The following MYO18B variants were observed in gnomAD, a reference collection of about 807,000 sequenced individuals.
MYO18B encodes the protein unconventional myosin-XVIIIb.
In MYO18B, 204 loss-of-function variants were observed where a neutral mutation model predicts 273.0. The observed-to-expected ratio is 0.75, with a 90% confidence interval of 0.67 to 0.84. MYO18B has a LOEUF of 0.84. MYO18B is among the 40% of genes least tolerant of loss of function. The probability of loss-of-function intolerance (pLI) is 0.00; values close to 1 mark genes in which losing one functional copy is unlikely to be tolerated. For synonymous variants in MYO18B, 1,330 were observed against 1,305.7 expected (o/e 1.02, Z -0.40); for missense variants, 3,212 against 3,287.6 (o/e 0.98, Z 0.56).
intron 28 of MYO18B, 26 bp from the exon 29 acceptor site, chr22:25,898,281 G>A (rs753325785): frequency 1.2e-6 from 2 of 1,605,702 alleles, no homozygotes; most frequent in Admixed American, 1.7e-5. Flanking sequence ...CACAGAGCCG[G>A]GTAATTCATT....
chr22:25,759,492 G>A (rs1044066770), intron 1 of MYO18B, among the ~76,000 whole-genome samples: 1 of 152,102 alleles, frequency 6.6e-6, no homozygotes, highest in African/African-American at 2.4e-5. Context: ...ACACAGGGAG[G>A]GGAACATCAC....
intron 34 of MYO18B, among the ~76,000 whole-genome samples, chr22:25,941,090 G>A (rs2092638588): frequency 6.6e-6 from 1 of 152,182 alleles, no homozygotes; most frequent in South Asian, 2.1e-4. Flanking sequence ...TCATGCCATT[G>A]TTCTATTGAT....
intron 12 of MYO18B, among the ~76,000 whole-genome samples, chr22:25,807,500 T>C (rs567216734): frequency 6.6e-6 from 1 of 152,306 alleles, no homozygotes; most frequent in African/African-American, 2.4e-5. Context: ...TTGGGGTCTC[T>C]CATGTGGCTG....
At chr22:25,826,701 C>T (rs935742508) in intron 14 of MYO18B, among the ~76,000 whole-genome samples, 5 of 152,198 alleles carry the variant, frequency 3.3e-5, no homozygotes, top group Non-Finnish European at 7.3e-5. Flanking sequence ...TCTCCCTTTC[C>T]TCGTCTGTAC....
intron 37 of MYO18B, among the ~76,000 whole-genome samples, chr22:25,950,957 G>A (rs890901181): frequency 1.3e-5 from 2 of 152,160 alleles, no homozygotes; most frequent in African/African-American, 4.8e-5. Context: ...GAGCCAGTCC[G>A]AGTCCCAAAA....
At chr22:26,052,025 GAATA>G in the MYO18B span, among the ~76,000 whole-genome samples, 1 of 152,176 alleles carries the variant, frequency 6.6e-6, no homozygotes, top group South Asian at 2.1e-4. Context: ...ATGTTGTAAT[GAATA>G]TCCTTGCATA....
intron 25 of MYO18B, among the ~76,000 whole-genome samples, chr22:25,889,458 C>A (rs1339392966): frequency 6.6e-6 from 1 of 152,076 alleles, no homozygotes; most frequent in Non-Finnish European, 1.5e-5. Flanking sequence ...CAATTCAATG[C>A]ATTTTACAGC....
At chr22:25,997,309 A>AAAAAAAAAAAAAC (rs1933373790) in intron 40 of MYO18B, among the ~76,000 whole-genome samples, 1 of 145,820 alleles carries the variant, frequency 6.9e-6, no homozygotes, top group African/African-American at 2.6e-5. Flanking sequence ...TGTCGCCAAA[A>AAAAAAAAAAAAAC]AAAAAAAAAA....
intron 12 of MYO18B, among the ~76,000 whole-genome samples, chr22:25,813,626 G>A (rs1212127803): frequency 1.3e-5 from 2 of 152,164 alleles, no homozygotes; most frequent in Admixed American, 1.3e-4. Flanking sequence ...AAGACACAGT[G>A]GCTTGATTCA....
chr22:25,846,190 C>A lies in MYO18B; in HGVS notation c.3459C>A (p.Ala1153=). The part of the protein sequence containing the change: ...VAGLEGTSQQ[A]LQRSRMVRRT... ...GCCTGGAGGGCACCTCCCAGCAGGC[C>A]CTGCAGAGGAGCCGCATGGTGAGGA... The change falls in exon 19 of 44, where the codon GCC becomes GCA. Residue 1153 remains alanine, a synonymous_variant. Transcript: ENST00000335473. 2 of 1,612,154 alleles carry A rather than the reference C, an allele frequency of 1.2e-6. No homozygotes were observed. The highest frequency in any genetic ancestry group is 1.1e-5 in the South Asian group (1 of 90,882).
At chr22:25,846,458 T>C (rs1425772558) in intron 19 of MYO18B, among the ~76,000 whole-genome samples, 175 bp downstream of exon 19, 1 of 152,216 alleles carries the variant, frequency 6.6e-6, no homozygotes, top group African/African-American at 2.4e-5. Context: ...CAATGAAACT[T>C]GGCCCTGGTC....
intron 27 of MYO18B, among the ~76,000 whole-genome samples, chr22:25,893,213 A>T (rs971596496): frequency 1.1e-4 from 16 of 152,190 alleles, no homozygotes; most frequent in African/African-American, 3.1e-4. Flanking sequence ...TGAATTATTT[A>T]AAAAAATATG....
chr22:25,846,274 G>C lies in MYO18B; in HGVS notation c.3543G>C (p.Lys1181Asn). ...VRRKAPCSQIKLQMDALTSMI... is the reference protein window; with the variant it reads ...VRRKAPCSQINLQMDALTSMI... ...GGAAAGCCCCGTGCTCCCAGATCAA[G>C]CTGCAGATGGTGAGTGGGCACCCTG... Residue 1181 changes from lysine to asparagine, a missense_variant, in exon 19 of 44, where the codon AAG becomes AAC. Lys to Asn is a moderately conservative substitution (Grantham distance 94, BLOSUM62 0). Transcript: ENST00000335473. The C allele has an allele frequency of 1.2e-6, 2 of 1,611,400 alleles. No individual in the cohort carries two copies. The highest frequency in any genetic ancestry group is 1.7e-6 in the Non-Finnish European group (2 of 1,179,762).
intron 21 of MYO18B, among the ~76,000 whole-genome samples, chr22:25,864,987 G>A (rs2090845010): frequency 6.6e-6 from 1 of 152,194 alleles, no homozygotes; most frequent in African/African-American, 2.4e-5. Flanking sequence ...CTGGTTGTTG[G>A]ACAATGATTA....
At chr22:25,810,682 C>T (rs1243764661) in intron 12 of MYO18B, among the ~76,000 whole-genome samples, 2 of 148,018 alleles carry the variant, frequency 1.4e-5, no homozygotes, top group South Asian at 2.2e-4. Context: ...GTGATCATCC[C>T]GCCTCAGTCT....
downstream of MYO18B, chr22:26,031,104 A>G: frequency 2.5e-6 from 1 of 395,722 alleles, no homozygotes; most frequent in Non-Finnish European, 4.5e-6. Context: ...TCAACATTCA[A>G]GAACCTTGAA....
At chr22:26,012,841 A>G (rs773742944) in intron 42 of MYO18B, among the ~76,000 whole-genome samples, 8 of 152,198 alleles carry the variant, frequency 5.3e-5, no homozygotes. Context: ...TACCATTGAA[A>G]TATATATACA....
intron 39 of MYO18B, among the ~76,000 whole-genome samples, chr22:25,980,249 G>A (rs936043428): frequency 7.9e-5 from 12 of 152,194 alleles, no homozygotes; most frequent in African/African-American, 2.7e-4. Context: ...CATTCTGCAG[G>A]CAAACTCTTT....
At chr22:25,832,021 G>A (rs1370848163) in intron 15 of MYO18B, among the ~76,000 whole-genome samples, 1 of 152,072 alleles carries the variant, frequency 6.6e-6, no homozygotes, top group African/African-American at 2.4e-5. Flanking sequence ...ATCACAAATC[G>A]TAAGAGAAAT....
Sources: allele counts gnomAD v4.1 joint callset (sites outside exome capture counted in the v4.1 genomes callset), GRCh38; gene constraint gnomAD v4.1.1; transcripts MANE v1.5; gene names NCBI Gene and HGNC (gene_info 2026-07-23, HGNC 2026-07-21).